The following FBN3 variants were observed in gnomAD, a reference collection of about 807,000 sequenced individuals.
FBN3 encodes fibrillin 3.
A neutral mutation model predicts 330.1 loss-of-function variants in FBN3; 234 were observed. The observed-to-expected ratio is 0.71, with a 90% CI of 0.64 to 0.79. The LOEUF is 0.79. Ranked by LOEUF, FBN3 falls within the 30% of genes least tolerant of loss-of-function variation. The probability of loss-of-function intolerance (pLI) is 0.00; values close to 1 mark genes in which losing one functional copy is unlikely to be tolerated. For missense variants in FBN3, 3,606 were observed against 3,886.9 expected (o/e 0.93, Z 1.92); for synonymous variants, 1,458 against 1,517.3 (o/e 0.96, Z 0.91).
chr19:8,097,353 G>T lies in FBN3; in HGVS notation c.5223C>A (p.Ile1741=), dbSNP rs138444808. ...ICANGICINQ[I]GSFRCECPAG... ...CGGGGCACTCGCAGCGGAAACTCCC[G>T]ATCTGGTTTATGCAGATGCCATTGG... Residue 1741 remains isoleucine (I), a synonymous_variant, in exon 42 of 64, where the codon ATC becomes ATA. Transcript: ENST00000600128. 2 of 1,610,540 alleles carry T rather than the reference G, an allele frequency of 1.2e-6. No homozygotes were observed. The highest frequency in any genetic ancestry group is 1.7e-6 in the Non-Finnish European group (2 of 1,177,804).
Position 8,136,303 on chromosome 19 carries a change from T to A in FBN3, c.1352A>T (p.Asp451Val), listed in dbSNP as rs1379567178. The A allele has an allele frequency of 6.2e-7, 1 of 1,602,256 alleles. No homozygotes were observed. The highest frequency in any genetic ancestry group is 2.2e-5 in the East Asian group (1 of 44,808). ...QDVRGECIDV[D>V]ECTSSPCHHG... is the part of the protein sequence containing the mutation. Reference sequence around the variant, plus strand: ...GTGGCAGGGGCTGCTGGTGCATTCGTCTACATCTGAGGGGAGAGGACCCTG... The same window carrying A: ...GTGGCAGGGGCTGCTGGTGCATTCGACTACATCTGAGGGGAGAGGACCCTG... Residue 451 changes from aspartate (D) to valine (V), a missense_variant, in exon 12 of 64, where the codon GAC becomes GTC. Physicochemically the swap from Asp to Val is radical, Grantham distance 152. Transcript: ENST00000600128.
At chr19:8,135,640 C>T (rs959712859) in intron 13 of FBN3, among the ~76,000 whole-genome samples, 1 of 152,012 alleles carries the variant, frequency 6.6e-6, no homozygotes, top group Non-Finnish European at 1.5e-5. Context: ...TCACTGCAGC[C>T]TCAACCTTTT....
chr19:8,137,825 G>C (rs12980749), intron 10 of FBN3, among the ~76,000 whole-genome samples: 54,096 of 151,756 alleles, frequency 0.36, 11,000 homozygotes, highest in Non-Finnish European at 0.47. Flanking sequence ...ACAGGGTCTT[G>C]CTATGTCACC....
intron 36 of FBN3, among the ~76,000 whole-genome samples, chr19:8,108,467 G>A (rs937905637): frequency 1.3e-5 from 2 of 152,046 alleles, no homozygotes; most frequent in Non-Finnish European, 1.5e-5. Context: ...GTGTGTGTGT[G>A]TAAATGTGGG....
intron 25 of FBN3, among the ~76,000 whole-genome samples, chr19:8,120,362 G>T (rs1430840438): frequency 6.6e-6 from 1 of 151,512 alleles, no homozygotes; most frequent in African/African-American, 2.4e-5. Context: ...TAGAGACGGG[G>T]TTTCACCATG....
chr19:8,121,075 C>G lies in FBN3; in HGVS notation c.3211+183G>C, dbSNP rs912645752. 1.3e-5 allele frequency among the ~76,000 whole-genome samples: 2 copies of G among 152,072 alleles called. No individual in the cohort carries two copies. The highest frequency in any genetic ancestry group is 2.9e-5 in the Non-Finnish European group (2 of 67,996). ...CACCCCCAGGTCTCAGGCCCCAGGTCTCTCTCCTAAGGACGAGGCCTCATG... is the reference window on the plus strand; with the variant it reads ...CACCCCCAGGTCTCAGGCCCCAGGTGTCTCTCCTAAGGACGAGGCCTCATG... On this transcript the variant is annotated intron_variant, in intron 25 of 63. Coordinates refer to ENST00000600128, the MANE Select transcript of FBN3 (RefSeq NM_032447.5). The surrounding 1 kb of genome is among the most constrained non-coding windows in gnomAD (Gnocchi z 4.5).
At position 8,136,084 on chromosome 19, in the gene FBN3, C is replaced by A; in HGVS notation, c.1468G>T (p.Val490Leu). ...ATPTRQACVDVDECIVSGGLC... is the reference protein window; with the variant it reads ...ATPTRQACVDLDECIVSGGLC... ...CCACCACTGACAATGCACTCGTCCA[C>A]ATCTGCGGGGAAGGCAGGCGGGCAG... Residue 490 changes from valine (V) to leucine (L), a missense_variant and splice_region_variant, in exon 13 of 64, where the codon GTG (valine) becomes TTG (leucine). By Grantham distance (32) the Val-to-Leu change is conservative. Transcript: ENST00000600128. 1 of 1,613,976 alleles carries A rather than the reference C, an allele frequency of 6.2e-7. No individual in the cohort carries two copies. The highest frequency in any genetic ancestry group is 8.5e-7 in the Non-Finnish European group (1 of 1,179,892).
chr19:8,142,195 T>G, intron 6 of FBN3, 58 bp from the exon 7 acceptor site: 2 of 1,388,858 alleles, frequency 1.4e-6, no homozygotes, highest in Non-Finnish European at 2.0e-6. Flanking sequence ...TGGAGATCTC[T>G]GCGTCTCTAA....
At chr19:8,133,165 C>T (rs1675170455) in intron 13 of FBN3, 59 bp from the exon 14 acceptor site, 2 of 1,506,752 alleles carry the variant, frequency 1.3e-6, no homozygotes, top group Non-Finnish European at 1.8e-6. Flanking sequence ...CCTCTCTCTC[C>T]CTCCTCCAGG....
chr19:8,128,447 C>T lies in FBN3; in HGVS notation c.2296+581G>A, dbSNP rs535227425. ...GGCTTGGTGACGGACGCCTGTAATC[C>T]CAGCTACTTGGGAGGCTGAGGCAGG... On this transcript the variant is annotated intron_variant, in intron 18 of 63. Transcript: ENST00000600128. Among the ~76,000 whole-genome samples, 3 of 152,020 alleles carry T rather than the reference C, an allele frequency of 2.0e-5. No individual in the cohort carries two copies. In the East Asian group the frequency reaches 5.8e-4, roughly 29 times the overall value.
intron 51 of FBN3, 92 bp from the exon 52 acceptor site, chr19:8,088,271 G>A (rs931465455): frequency 1.8e-5 from 26 of 1,459,938 alleles, no homozygotes; most frequent in East Asian, 4.6e-5. Context: ...ACCACAGATC[G>A]GAGGGGGCCA....
rs182123827 is a variant in FBN3, at chr19:8,108,217, G to A, written c.4640C>T (p.Pro1547Leu). The A allele has an allele frequency of 4.7e-5, 76 of 1,613,000 alleles. No homozygotes were observed. Among genetic ancestry groups the A allele is most frequent in the Middle Eastern group, 3.3e-4 (2 of 6,052 alleles). The change falls in exon 37 of 64, where the codon CCG becomes CTG. Residue 1547 changes from proline to leucine, a missense_variant. Transcript: ENST00000600128. ...GTTAGGCTGGAAGCCCTCACCACCC[G>A]GGCACAGGGTTCTGTACTCAGCTGT... The part of the protein sequence containing the change: ...ANTTEYRTLC[P>L]GGEGFQPNRI...
chr19:8,098,897 G>A (rs2082268169), intron 41 of FBN3, among the ~76,000 whole-genome samples: 1 of 151,860 alleles, frequency 6.6e-6, no homozygotes, highest in Admixed American at 6.6e-5. Context: ...AACAACCTAA[G>A]TGTCCATCAG....
In FBN3 at chr19:8,065,621, T is replaced by G; in HGVS notation, c.*298A>C. 7.2e-6 allele frequency: 3 copies of G among 415,512 alleles called. No homozygotes were observed. The highest frequency in any genetic ancestry group is 4.1e-5 in the Admixed American group (1 of 24,250). The allele number at this position is 415,512 out of a possible 1,614,324, so 25.7% of individuals were successfully genotyped here. ...ACAGTGCAGTACAGAAGTGAAAGCC[T>G]GAGATTGGCCAGACACGGTGACCAC... On this transcript the variant is annotated 3_prime_UTR_variant, in exon 64 of 64. Coordinates refer to ENST00000600128, the MANE Select transcript of FBN3 (RefSeq NM_032447.5).
In FBN3 at chr19:8,072,084, C is replaced by G. The variant is rs1238949477; in HGVS notation, c.8052G>C (p.Arg2684=). The G allele has an allele frequency of 6.2e-7, 1 of 1,612,516 alleles. No homozygotes were observed. The highest frequency in any genetic ancestry group is 1.3e-5 in the African/African-American group (1 of 74,848). Reference sequence around the variant, plus strand: ...TGTGGGCACTGCGTCGTGGCCGGTCCCGAGGGGAGAGGCCATTGATCTTGC... The same window carrying G: ...TGTGGGCACTGCGTCGTGGCCGGTCGCGAGGGGAGAGGCCATTGATCTTGC... ...YECKINGLSP[R]DRPRRSAHRD... Residue 2684 remains arginine (R), a synonymous_variant, in exon 63 of 64, where the codon CGG becomes CGC. Transcript: ENST00000600128.
chr19:8,088,859 ATGAG>A (rs1247893482), intron 51 of FBN3, among the ~76,000 whole-genome samples: 1 of 152,134 alleles, frequency 6.6e-6, no homozygotes, highest in South Asian at 2.1e-4. Flanking sequence ...AAACGAGTGA[ATGAG>A]TGAATGAGTA....
At position 8,126,479 on chromosome 19, in the gene FBN3, C is replaced by T. The variant is rs757939651; in HGVS notation, c.2543G>A (p.Arg848His). The T allele has an allele frequency of 2.4e-5, 38 of 1,612,340 alleles. No individual in the cohort carries two copies. In the East Asian group the frequency reaches 7.2e-4, roughly 30 times the overall value. The stretch of plus-strand genomic sequence containing the variant: ...AAGGAGGATACTACCGATCTCGCAG[C>T]GTTCGCAGGGGCTCCCCCAGGCTGC... Reference protein sequence around the residue: ...LGAAWGSPCERCEIDPACARG... With the variant: ...LGAAWGSPCEHCEIDPACARG... The change falls in exon 20 of 64, where the codon CGC becomes CAC. Residue 848 changes from arginine (R) to histidine (H), a missense_variant. By Grantham distance (29) the Arg-to-His change is conservative. Transcript: ENST00000600128.
intron 8 of FBN3, 30 bp downstream of exon 8, chr19:8,141,687 G>A: frequency 6.3e-7 from 1 of 1,599,878 alleles, no homozygotes. Context: ...CACAGAGGAG[G>A]TCTCAGGTTG....
chr19:8,126,710 C>T lies in FBN3; in HGVS notation c.2416+3G>A, dbSNP rs757151524. On this transcript the variant is annotated splice_donor_region_variant and intron_variant, in intron 19 of 63. Transcript: ENST00000600128. ...AACGCCGTCGGGCTCCGGGGCCGCTCACCTAGACAGAAGGTACCAGAGGGG... is the reference window on the plus strand; with the variant it reads ...AACGCCGTCGGGCTCCGGGGCCGCTTACCTAGACAGAAGGTACCAGAGGGG... The T allele has an allele frequency of 1.3e-6, 2 of 1,585,248 alleles. No individual in the cohort carries two copies. The highest frequency in any genetic ancestry group is 8.6e-7 in the Non-Finnish European group (1 of 1,164,450).
Sources: allele counts gnomAD v4.1 joint callset (sites outside exome capture counted in the v4.1 genomes callset), GRCh38; gene constraint gnomAD v4.1.1; non-coding constraint Gnocchi (gnomAD v3.1); transcripts MANE v1.5; gene names NCBI Gene and HGNC (gene_info 2026-07-23, HGNC 2026-07-21).